ROGDI: variants seen among roughly 807,000 people sequenced by gnomAD.
The protein encoded by ROGDI is rogdi atypical leucine zipper, also known as protein rogdi homolog.
Under a neutral mutation model 43.1 loss-of-function variants are expected in ROGDI, and 46 were observed. The ratio of observed to expected loss-of-function variants is 1.07; its 90% CI spans 0.84 to 1.37. The LOEUF (loss-of-function observed/expected upper bound fraction) is 1.37. Among genes scored for constraint, ROGDI ranks in the 40% most tolerant of loss-of-function variants. The pLI is 0.00. For synonymous variants in ROGDI, 243 were observed against 162.0 expected (o/e 1.50, Z -3.80); for missense variants, 518 against 383.9 (o/e 1.35, Z -2.92).
rs374732191 is a variant in ROGDI at position 4,802,373 on chromosome 16, G to A, written c.117+9C>T. The A allele has an allele frequency of 1.3e-6, 2 of 1,567,536 alleles. No homozygotes were observed. Among genetic ancestry groups the A allele is most frequent in the Admixed American group, 1.9e-5 (1 of 53,022 alleles). ...GCCACGCCCGGCGGGGCAGGGCGCGGGTCGTTACCTTGAGGATGTCCTGCA... is the reference window on the plus strand; with the variant it reads ...GCCACGCCCGGCGGGGCAGGGCGCGAGTCGTTACCTTGAGGATGTCCTGCA... On this transcript the variant is annotated intron_variant, in intron 2 of 10. Transcript: ENST00000322048.
At chr16:4,801,189 C>A in intron 4 of ROGDI, 78 bp downstream of exon 4, 1 of 1,279,048 alleles carries the variant, frequency 7.8e-7, no homozygotes, top group South Asian at 1.4e-5. Context: ...AGTCGCAGGG[C>A]TTGTACAGAG....
intron 7 of ROGDI, 130 bp from the exon 8 acceptor site, chr16:4,798,314 TG>T (rs2082679561): frequency 3.6e-6 from 3 of 832,204 alleles, no homozygotes; most frequent in Non-Finnish European, 5.8e-6. Flanking sequence ...TTCTCATCAA[TG>T]GGGGCTTCCA....
chr16:4,802,134 C>A (rs1354306461), intron 2 of ROGDI: 1 of 652,712 alleles, frequency 1.5e-6, no homozygotes, highest in Admixed American at 2.1e-5. Context: ...CCCAAGGCGG[C>A]CTTCCCCGAC....
chr16:4,801,568 G>A lies in ROGDI; in HGVS notation c.135C>T (p.Phe45=), dbSNP rs1471499262. 1 of 1,602,274 alleles carries A rather than the reference G, an allele frequency of 6.2e-7. No homozygotes were observed. Among genetic ancestry groups the A allele is most frequent in the Non-Finnish European group, 8.5e-7 (1 of 1,174,644 alleles). The change falls in exon 3 of 11, where the codon TTC becomes TTT. Residue 45 remains phenylalanine (F), a synonymous_variant. Transcript: ENST00000322048. ...QDILKEASLR[F]TLPGSGTEGP... is the part of the protein sequence containing the mutation. ...CCTCAGTGCCGGAGCCCGGCAGAGTGAAGCGCAGAGAGGCCTCCTGTGGAA... is the reference window on the plus strand; with the variant it reads ...CCTCAGTGCCGGAGCCCGGCAGAGTAAAGCGCAGAGAGGCCTCCTGTGGAA...
chr16:4,798,427 A>G, intron 7 of ROGDI, 142 bp downstream of exon 7: 1 of 755,782 alleles, frequency 1.3e-6, no homozygotes, highest in Non-Finnish European at 2.1e-6. Flanking sequence ...ACGGAAGCCA[A>G]GGACCCCATC....
At chr16:4,800,858 C>T (rs1056101647) in intron 4 of ROGDI, 20 of 542,614 alleles carry the variant, frequency 3.7e-5, no homozygotes, top group Non-Finnish European at 5.6e-5. Context: ...AGGCTCTGTG[C>T]GAACGGGGTG....
chr16:4,802,246 A>G, intron 2 of ROGDI, 136 bp downstream of exon 2: 1 of 798,010 alleles, frequency 1.3e-6, no homozygotes, highest in Non-Finnish European at 2.0e-6. Context: ...GAGTTCGCGG[A>G]GGCGGGGCCC....
At chr16:4,798,509 G>C in intron 7 of ROGDI, 60 bp downstream of exon 7, 1 of 1,336,910 alleles carries the variant, frequency 7.5e-7, no homozygotes, top group Non-Finnish European at 1.0e-6. Context: ...CATCCTGAGG[G>C]CAAGCTGGGA....
rs1208117133 is a variant in ROGDI at position 4,797,467 on chromosome 16, G to T, written c.857C>A (p.Pro286His). Residue 286 changes from proline (P) to histidine (H), a missense_variant, in exon 11 of 11, where the codon CCC becomes CAC. Pro to His is a moderately conservative substitution (Grantham distance 77). Transcript: ENST00000322048. ...SVFSSYWSYR[P>H]F is the part of the protein sequence containing the mutation. ...AGCTCCTGGGTGCTGTGATCAGAAG[G>T]GTCTGTAGCTCCAGTAGCTGGAGAA... 1.2e-6 allele frequency: 2 copies of T among 1,613,250 alleles called. No individual in the cohort carries two copies. The highest frequency in any genetic ancestry group is 1.3e-5 in the African/African-American group (1 of 74,932).
Position 4,799,798 on chromosome 16 carries a change from T to G in ROGDI, c.337-17A>C, listed in dbSNP as rs1447181264. 2 of 1,588,622 alleles carry G rather than the reference T, an allele frequency of 1.3e-6. No individual in the cohort carries two copies. The highest frequency in any genetic ancestry group is 2.7e-5 in the African/African-American group (2 of 74,232). On this transcript the variant is annotated splice_polypyrimidine_tract_variant and intron_variant, in intron 5 of 10. Transcript: ENST00000322048. ...ATCCTGGATCTGGAAGCAGGGGTCA[T>G]CCAGAGGGGTCACGCCAGCTTCCAT...
chr16:4,799,949 C>T (rs1199154542), intron 5 of ROGDI, among the ~76,000 whole-genome samples, 168 bp from the exon 6 acceptor site: 1 of 152,182 alleles, frequency 6.6e-6, no homozygotes, highest in African/African-American at 2.4e-5. Flanking sequence ...TCACCTGGGG[C>T]AGGCCTGGTC....
Position 4,797,824 on chromosome 16 carries a change from G to A in ROGDI, c.712C>T (p.Arg238Cys), listed in dbSNP as rs760809797. The A allele has an allele frequency of 6.8e-6, 11 of 1,611,790 alleles. No individual in the cohort carries two copies. Among genetic ancestry groups the A allele is most frequent in the African/African-American group, 1.3e-5 (1 of 74,904 alleles). The change falls in exon 10 of 11, where the codon CGC becomes TGC. Residue 238 changes from arginine (R) to cysteine (C), a missense_variant. Transcript: ENST00000322048. ...PGAMFEWGSQ[R>C]LEVSHVHKVE... ...TTGTGCACGTGGCTCACCTCCAGGC[G>A]CTGAGAGCCCCACTCGCTGTGGGCA...
intron 5 of ROGDI, among the ~76,000 whole-genome samples, chr16:4,800,126 G>A (rs937271020): frequency 6.6e-6 from 1 of 152,162 alleles, no homozygotes; most frequent in African/African-American, 2.4e-5. Context: ...GGAGGCTGGG[G>A]CCCATTGGTA....
chr16:4,797,325 A>G lies in ROGDI; in HGVS notation c.*135T>C. 1.3e-6 allele frequency: 1 copy of G among 762,210 alleles called. No homozygotes were observed. Among genetic ancestry groups the G allele is most frequent in the Non-Finnish European group, 2.1e-6 (1 of 471,584 alleles). The allele number at this position is 762,210 out of a possible 1,614,324, so 47.2% of individuals were successfully genotyped here. On this transcript the variant is annotated 3_prime_UTR_variant, in exon 11 of 11. Coordinates refer to ENST00000322048, the MANE Select transcript of ROGDI (RefSeq NM_024589.3). ...TTCCAGTGTCCATTCCCGGCAGTGC[A>G]AATGTGTTAGGTGGGGTAGGGGGTG...
intron 4 of ROGDI, chr16:4,800,916 TC>T: frequency 2.1e-6 from 1 of 487,414 alleles, no homozygotes; most frequent in Non-Finnish European, 3.6e-6. Flanking sequence ...GAGGGGGGCC[TC>T]CCCCCACGCC....
chr16:4,798,370 G>C (rs1361255167), intron 7 of ROGDI, 186 bp from the exon 8 acceptor site: 1 of 701,236 alleles, frequency 1.4e-6, no homozygotes, highest in African/African-American at 1.8e-5. Context: ...TGTCAGGTTT[G>C]GGAACCACTA....
chr16:4,798,762 T>A, intron 6 of ROGDI, 95 bp from the exon 7 acceptor site: 1 of 1,048,058 alleles, frequency 9.5e-7, no homozygotes, highest in East Asian at 2.6e-5. Context: ...CCCAGCCCAG[T>A]GGCTACTGTT....
chr16:4,798,709 C>T (rs2082684140), intron 6 of ROGDI, 42 bp from the exon 7 acceptor site: 1 of 1,461,424 alleles, frequency 6.8e-7, no homozygotes, highest in Non-Finnish European at 9.3e-7. Context: ...CTCCCGTGTC[C>T]CCATGCATTA....
Position 4,797,596 on chromosome 16 carries a change from G to A in ROGDI, c.823-95C>T, listed in dbSNP as rs1468014413. ...CCCAAGGACAATATGTCAGGACAGG[G>A]CATTGCTGCCTCGCAGTGCTGTGGG... On this transcript the variant is annotated intron_variant, in intron 10 of 10. Coordinates refer to ENST00000322048, the MANE Select transcript of ROGDI (RefSeq NM_024589.3). 2.1e-5 allele frequency: 11 copies of A among 513,094 alleles called. No homozygotes were observed. In the Admixed American group the frequency reaches 8.1e-4, roughly 38 times the overall value. 31.8% of individuals were successfully genotyped at this position (513,094 alleles called of 1,614,324 possible).
Sources: allele counts gnomAD v4.1 joint callset (sites outside exome capture counted in the v4.1 genomes callset), GRCh38; gene constraint gnomAD v4.1.1; transcripts MANE v1.5; gene names NCBI Gene and HGNC (gene_info 2026-07-23, HGNC 2026-07-21).